MARCHF3: variants seen among roughly 807,000 people sequenced by gnomAD.
The protein encoded by MARCHF3 is E3 ubiquitin-protein ligase MARCHF3.
Under a neutral mutation model 24.2 loss-of-function variants are expected in MARCHF3, and 13 were observed. The ratio of observed to expected loss-of-function variants is 0.54; its 90% CI spans 0.35 to 0.85. The LOEUF (loss-of-function observed/expected upper bound fraction) is 0.85, where lower values mean the gene tolerates loss of function less well. Among genes scored for constraint, MARCHF3 ranks in the 40% least tolerant of loss-of-function variants. MARCHF3 has a pLI of 0.01. For synonymous variants in MARCHF3, 144 were observed against 137.3 expected (o/e 1.05, Z -0.34); for missense variants, 276 against 325.0 (o/e 0.85, Z 1.16).
chr5:126,889,527 G>A (rs957531334), intron 3 of MARCHF3, among the ~76,000 whole-genome samples: 2 of 151,984 alleles, frequency 1.3e-5, no homozygotes, highest in African/African-American at 2.4e-5. Context: ...CAATGCACAC[G>A]GAAAACAGAC....
At chr5:126,958,214 G>T (rs928268159) in intron 1 of MARCHF3, among the ~76,000 whole-genome samples, 7 of 152,034 alleles carry the variant, frequency 4.6e-5, no homozygotes, top group African/African-American at 1.4e-4. Flanking sequence ...TCTTAGATGG[G>T]CAGTAGCTTC....
chr5:126,928,944 T>C (rs59676931), intron 1 of MARCHF3, among the ~76,000 whole-genome samples: 7,968 of 152,282 alleles, frequency 0.052, 378 homozygotes, highest in South Asian at 0.14. Context: ...CATTATTTTA[T>C]CTAACAAACT....
At chr5:126,988,965 A>G (rs1322687513) in intron 1 of MARCHF3, among the ~76,000 whole-genome samples, 1 of 152,228 alleles carries the variant, frequency 6.6e-6, no homozygotes, top group Non-Finnish European at 1.5e-5. Context: ...ATGAAAGAGG[A>G]GATTTTTAAA....
intron 1 of MARCHF3, among the ~76,000 whole-genome samples, chr5:127,028,472 A>G (rs1415648359): frequency 6.6e-6 from 1 of 152,216 alleles, no homozygotes; most frequent in African/African-American, 2.4e-5. Flanking sequence ...TCCAGGTTAT[A>G]AATTCCTAAA....
At chr5:126,905,640 G>T (rs1347644723) in intron 3 of MARCHF3, among the ~76,000 whole-genome samples, 3 of 152,000 alleles carry the variant, frequency 2.0e-5, no homozygotes, top group Non-Finnish European at 2.9e-5. Flanking sequence ...GTATAATAAT[G>T]CTTGTGATTT....
At chr5:126,885,992 A>G (rs1033426003) in intron 3 of MARCHF3, among the ~76,000 whole-genome samples, 18 of 125,094 alleles carry the variant, frequency 1.4e-4, no homozygotes, top group Middle Eastern at 4.2e-3. Flanking sequence ...ATTACTATGT[A>G]TATATATATA....
chr5:126,931,490 C>T (rs189732262), intron 1 of MARCHF3, among the ~76,000 whole-genome samples: 1 of 152,000 alleles, frequency 6.6e-6, no homozygotes, highest in East Asian at 1.9e-4. Flanking sequence ...TACTCAGATA[C>T]TTAGATCTCT....
intron 3 of MARCHF3, among the ~76,000 whole-genome samples, chr5:126,885,362 G>A (rs1753475574): frequency 6.6e-6 from 1 of 152,180 alleles, no homozygotes; most frequent in South Asian, 2.1e-4. Flanking sequence ...GAGGGCAGGA[G>A]TTTGAGACCA....
intron 1 of MARCHF3, among the ~76,000 whole-genome samples, chr5:126,969,232 G>C (rs1211495183): frequency 6.6e-6 from 1 of 152,170 alleles, no homozygotes; most frequent in Admixed American, 6.5e-5. Flanking sequence ...GCCTCCAAGA[G>C]TTTAGAAAAA....
At chr5:127,007,273 A>G (rs997366034) in intron 1 of MARCHF3, among the ~76,000 whole-genome samples, 2 of 151,950 alleles carry the variant, frequency 1.3e-5, no homozygotes, top group Non-Finnish European at 2.9e-5. Context: ...TCAACATATT[A>G]TCTTGTCTTG....
chr5:126,937,440 C>T (rs1749683017), intron 1 of MARCHF3, among the ~76,000 whole-genome samples: 1 of 152,116 alleles, frequency 6.6e-6, no homozygotes, highest in Non-Finnish European at 1.5e-5. Context: ...GAGCCAGCAG[C>T]AATAATCTGC....
intron 1 of MARCHF3, among the ~76,000 whole-genome samples, chr5:126,919,303 T>C (rs1749017698): frequency 6.6e-6 from 1 of 152,078 alleles, no homozygotes; most frequent in Non-Finnish European, 1.5e-5. Context: ...TGTCCAAAGG[T>C]GAGATGACAC....
intron 1 of MARCHF3, among the ~76,000 whole-genome samples, chr5:127,005,218 C>A (rs1752267319): frequency 6.8e-6 from 1 of 146,728 alleles, no homozygotes; most frequent in East Asian, 2.0e-4. Context: ...CTCACTGCAA[C>A]CTCCATCACC....
chr5:127,003,663 T>C (rs993107731), intron 1 of MARCHF3, among the ~76,000 whole-genome samples: 9 of 125,808 alleles, frequency 7.2e-5, no homozygotes, highest in African/African-American at 2.7e-4. Flanking sequence ...GGCAAGAGAA[T>C]GGCGCGAACC....
At chr5:126,884,877 T>C (rs1753457834) in intron 3 of MARCHF3, among the ~76,000 whole-genome samples, 1 of 152,170 alleles carries the variant, frequency 6.6e-6, no homozygotes, top group African/African-American at 2.4e-5. Flanking sequence ...ATAAATCAAA[T>C]TGGGTTGCTT....
At chr5:126,910,808 G>C (rs1192082838) in intron 3 of MARCHF3, among the ~76,000 whole-genome samples, 1 of 152,240 alleles carries the variant, frequency 6.6e-6, no homozygotes, top group Non-Finnish European at 1.5e-5. Context: ...AAACAAGAGA[G>C]ATAACCTTAA....
intron 1 of MARCHF3, among the ~76,000 whole-genome samples, chr5:127,011,054 A>G (rs546877757): frequency 6.6e-6 from 1 of 152,250 alleles, no homozygotes; most frequent in Non-Finnish European, 1.5e-5. Flanking sequence ...CAAAAATAAT[A>G]TAAATAATAA....
At chr5:126,979,007 T>C (rs1017391810) in intron 1 of MARCHF3, among the ~76,000 whole-genome samples, 1 of 152,234 alleles carries the variant, frequency 6.6e-6, no homozygotes, top group Non-Finnish European at 1.5e-5. Context: ...AATCCTATTA[T>C]TGAAAACTTT....
At chr5:126,915,433 A>G (rs1754693613) in intron 2 of MARCHF3, among the ~76,000 whole-genome samples, 1 of 152,276 alleles carries the variant, frequency 6.6e-6, no homozygotes, top group African/African-American at 2.4e-5. Flanking sequence ...ATATAAATGT[A>G]GTTCATGTCA....
Sources: allele counts gnomAD v4.1 joint callset (sites outside exome capture counted in the v4.1 genomes callset), GRCh38; gene constraint gnomAD v4.1.1; transcripts MANE v1.5; gene names NCBI Gene and HGNC (gene_info 2026-07-23, HGNC 2026-07-21).